TMC7: variants seen among roughly 807,000 people sequenced by gnomAD.
TMC7 encodes the protein transmembrane channel like 7.
In TMC7, 54 loss-of-function variants were observed where a neutral mutation model predicts 82.9. That is an observed-to-expected ratio of 0.65 (90% CI 0.52 to 0.82). TMC7 has a LOEUF of 0.82. Among genes scored for constraint, TMC7 ranks in the 40% least tolerant of loss-of-function variants. TMC7 has a pLI of 0.00. For synonymous variants in TMC7, 350 were observed against 337.9 expected (o/e 1.04, Z -0.39); for missense variants, 820 against 901.2 (o/e 0.91, Z 1.15).
intron 1 of TMC7, among the ~76,000 whole-genome samples, chr16:19,006,413 A>G (rs2039242083): frequency 6.6e-6 from 1 of 151,820 alleles, no homozygotes; most frequent in African/African-American, 2.4e-5. Context: ...TGGACTCCCA[A>G]CCTCAGGTGA....
chr16:19,010,813 G>A (rs1959286222), intron 2 of TMC7, among the ~76,000 whole-genome samples: 1 of 152,158 alleles, frequency 6.6e-6, no homozygotes, highest in African/African-American at 2.4e-5. Context: ...AAGCTGGTCT[G>A]GGGTGGCTTC....
chr16:19,059,905 A>G, intron 15 of TMC7: 1 of 452,416 alleles, frequency 2.2e-6, no homozygotes, highest in Non-Finnish European at 4.1e-6. Context: ...TGAACTCAGG[A>G]GGTGGAGGTC....
intron 9 of TMC7, among the ~76,000 whole-genome samples, chr16:19,042,512 T>TTTTTC (rs1961059153): frequency 6.6e-6 from 1 of 151,038 alleles, no homozygotes; most frequent in African/African-American, 2.4e-5. Flanking sequence ...CTTTTTTTTT[T>TTTTTC]TTTTCTTTTT....
intron 8 of TMC7, among the ~76,000 whole-genome samples, chr16:19,039,231 C>T (rs1960900267): frequency 6.6e-6 from 1 of 151,888 alleles, no homozygotes; most frequent in African/African-American, 2.4e-5. Flanking sequence ...GCTGGGATTA[C>T]AGGCACCCGC....
chr16:18,986,083 T>C (rs1405191403), intron 1 of TMC7, among the ~76,000 whole-genome samples: 10 of 150,532 alleles, frequency 6.6e-5, no homozygotes, highest in Non-Finnish European at 1.5e-4. Context: ...AACAGATCAC[T>C]CCCCTGCTTA....
At chr16:19,044,837 A>T in intron 9 of TMC7, 47 bp from the exon 10 acceptor site, 1 of 1,256,576 alleles carries the variant, frequency 8.0e-7, no homozygotes, top group Non-Finnish European at 1.1e-6. Flanking sequence ...GGGACCAGCC[A>T]CCCTGAGGGC....
intron 1 of TMC7, among the ~76,000 whole-genome samples, chr16:18,987,011 T>G (rs2038863068): frequency 6.6e-6 from 1 of 152,046 alleles, no homozygotes; most frequent in African/African-American, 2.4e-5. Flanking sequence ...TTCACCGTCT[T>G]AGCCAGGATG....
At position 19,037,317 on chromosome 16, in the gene TMC7, G is replaced by C. The variant is rs1263957152; in HGVS notation, c.1006-557G>C. 2.0e-5 allele frequency among the ~76,000 whole-genome samples: 3 copies of C among 149,098 alleles called. No individual in the cohort carries two copies. The Admixed American group carries it at 2.0e-4, about 10-fold the overall frequency. On this transcript the variant is annotated intron_variant, in intron 7 of 15. Transcript: ENST00000304381. ...GCAGGAGAATGACTGGAACCAGGGA[G>C]TCAGAGGTTGCAGTGAGCCGAGATT...
intron 3 of TMC7, 69 bp downstream of exon 3, chr16:19,016,667 G>A (rs1025096430): frequency 2.1e-5 from 32 of 1,517,898 alleles, no homozygotes; most frequent in Middle Eastern, 2.4e-4. Context: ...GTACAGCTTC[G>A]TTTCCACTAG....
chr16:18,997,351 C>G (rs1282617912), intron 1 of TMC7, among the ~76,000 whole-genome samples: 1 of 152,052 alleles, frequency 6.6e-6, no homozygotes, highest in Non-Finnish European at 1.5e-5. Context: ...GCTGGGATTA[C>G]AGGTATGAGC....
chr16:19,052,965 G>C (rs1298116758), intron 13 of TMC7, among the ~76,000 whole-genome samples: 1 of 152,138 alleles, frequency 6.6e-6, no homozygotes, highest in Non-Finnish European at 1.5e-5. Flanking sequence ...CACCCATGTC[G>C]GCCTCCCAAA....
chr16:19,037,346 C>T (rs551129810), intron 7 of TMC7, among the ~76,000 whole-genome samples: 60 of 136,488 alleles, frequency 4.4e-4, no homozygotes, highest in African/African-American at 1.5e-3. Context: ...CGAGATTGGA[C>T]CACTGCACTC....
At chr16:19,040,807 G>A (rs1284381025) in intron 9 of TMC7, among the ~76,000 whole-genome samples, 1 of 151,968 alleles carries the variant, frequency 6.6e-6, no homozygotes, top group East Asian at 1.9e-4. Context: ...CAGGACTTGA[G>A]AGTTTTCTTT....
chr16:18,995,511 C>T (rs1412273575), intron 1 of TMC7, among the ~76,000 whole-genome samples: 1 of 152,156 alleles, frequency 6.6e-6, no homozygotes, highest in African/African-American at 2.4e-5. Context: ...AATGGGGTCC[C>T]ACACAGATGG....
At chr16:19,026,987 C>G (rs1173324645) in intron 5 of TMC7, among the ~76,000 whole-genome samples, 2 of 149,296 alleles carry the variant, frequency 1.3e-5, no homozygotes, top group African/African-American at 4.9e-5. Flanking sequence ...GTCTTGAACT[C>G]CTGACCTCAA....
intron 1 of TMC7, among the ~76,000 whole-genome samples, chr16:19,002,024 G>GGCTAGAACGCGGGGGAA (rs1315768248): frequency 6.6e-6 from 1 of 152,096 alleles, no homozygotes; most frequent in Non-Finnish European, 1.5e-5. Context: ...CAAGTTTCTT[G>GGCTAGAACGCGGGGGAA]GCTAGAACGC....
intron 7 of TMC7, among the ~76,000 whole-genome samples, chr16:19,036,235 C>A (rs529549631): frequency 2.6e-4 from 39 of 152,240 alleles, no homozygotes; most frequent in African/African-American, 8.9e-4. Context: ...ACAGACCGGG[C>A]GTGGTGGCTT....
intron 1 of TMC7, among the ~76,000 whole-genome samples, chr16:18,995,459 C>T (rs988241225): frequency 1.2e-4 from 18 of 152,164 alleles, no homozygotes; most frequent in Non-Finnish European, 2.4e-4. Context: ...GTTCCAGGGG[C>T]TCTGGGAGTG....
chr16:19,045,001 G>C lies in TMC7; in HGVS notation c.1455G>C (p.Pro485=). The stretch of plus-strand genomic sequence containing the variant: ...GCGGCTACAACCAGAAACTCTACCC[G>C]GTGAGTTGCGGGGCGGGGGCGTTCG... The part of the protein sequence containing the change: ...DLCGYNQKLY[P]CWETQVGQEM... Residue 485 remains proline (P), a splice_region_variant and synonymous_variant, in exon 10 of 16, where the codon CCG becomes CCC. Coordinates refer to ENST00000304381, the MANE Select transcript of TMC7 (RefSeq NM_024847.4). The C allele has an allele frequency of 6.2e-7, 1 of 1,612,724 alleles. No individual in the cohort carries two copies. Among genetic ancestry groups the C allele is most frequent in the Non-Finnish European group, 8.5e-7 (1 of 1,178,970 alleles).
Sources: allele counts gnomAD v4.1 joint callset (sites outside exome capture counted in the v4.1 genomes callset), GRCh38; gene constraint gnomAD v4.1.1; transcripts MANE v1.5; gene names NCBI Gene and HGNC (gene_info 2026-07-23, HGNC 2026-07-21).